CCNH: variants seen among roughly 807,000 people sequenced by gnomAD.
The protein encoded by CCNH is cyclin-H.
In CCNH, 31 loss-of-function variants were observed where a neutral mutation model predicts 41.9. The observed-to-expected ratio is 0.74, with a 90% confidence interval of 0.56 to 1.00. CCNH has a LOEUF of 1.00. CCNH is among the 50% of genes least tolerant of loss of function. CCNH has a pLI of 0.00. For missense variants in CCNH, 362 were observed against 388.4 expected (o/e 0.93, Z 0.57); for synonymous variants, 138 against 136.1 (o/e 1.01, Z -0.10).
rs1287746107 is a variant in CCNH, at chr5:87,407,959, T to C, written c.525+17A>G. 1 of 1,562,484 alleles carries C rather than the reference T, an allele frequency of 6.4e-7. No individual in the cohort carries two copies. The highest frequency in any genetic ancestry group is 8.8e-7 in the Non-Finnish European group (1 of 1,133,432). ...GAAAGGAGAATGTAGTATTAGTTTA[T>C]TTTACATCAAGTTTACCTTTAAGTC... On this transcript the variant is annotated intron_variant, in intron 4 of 8. Transcript: ENST00000256897.
chr5:87,328,527 C>A (rs552732240), intron 9 of CCNH, among the ~76,000 whole-genome samples: 1 of 152,046 alleles, frequency 6.6e-6, no homozygotes, highest in Non-Finnish European at 1.5e-5. Context: ...AGACAAATAA[C>A]CACTCCCAAA....
At chr5:87,315,029 G>A (rs1389561370), downstream of CCNH, among the ~76,000 whole-genome samples, 3 of 152,064 alleles carry the variant, frequency 2.0e-5, no homozygotes, top group South Asian at 2.1e-4. Flanking sequence ...GGCAGAATGT[G>A]GTTTCCAAAT....
exon 10 of CCNH, chr5:87,318,463 C>A (rs1218213710): frequency 6.5e-6 from 1 of 153,518 alleles, no homozygotes; most frequent in African/African-American, 2.4e-5. Flanking sequence ...GCAGGCTGTA[C>A]AGGAAGCATG....
chr5:87,377,923 T>C (rs2112494456), upstream of CCNH, among the ~76,000 whole-genome samples: 1 of 152,366 alleles, frequency 6.6e-6, no homozygotes, highest in South Asian at 2.1e-4. Flanking sequence ...TTATCTTTTC[T>C]GACAGCATTT....
intron 7 of CCNH, among the ~76,000 whole-genome samples, chr5:87,395,786 T>C (rs914583199): frequency 1.3e-5 from 2 of 152,162 alleles, no homozygotes; most frequent in African/African-American, 4.8e-5. Context: ...GGAAGATCAC[T>C]TGAGCCCAGA....
At position 87,369,445 on chromosome 5, in the gene CCNH, A is replaced by G. The variant is rs961480710; in HGVS notation, c.*90+23325T>C. Among the ~76,000 whole-genome samples the G allele has an allele frequency of 4.6e-5, 7 of 152,224 alleles. No individual in the cohort carries two copies. In the East Asian group the frequency reaches 1.4e-3, roughly 29 times the overall value. On this transcript the variant is annotated intron_variant and NMD_transcript_variant, in intron 9 of 9. Coordinates refer to the CCNH transcript ENST00000645953. The stretch of plus-strand genomic sequence containing the variant: ...CTCCTTAGAGATAATTACTTAGAAC[A>G]TTTTTGGTCTAAGAACATTTCTAGT...
intron 9 of CCNH, among the ~76,000 whole-genome samples, chr5:87,327,053 A>G (rs969204796): frequency 6.6e-6 from 1 of 151,768 alleles, no homozygotes; most frequent in Non-Finnish European, 1.5e-5. Flanking sequence ...AGTATCCTCT[A>G]CTCCCCTGTG....
At chr5:87,334,506 A>T (rs1757824972) in intron 9 of CCNH, among the ~76,000 whole-genome samples, 1 of 152,216 alleles carries the variant, frequency 6.6e-6, no homozygotes, top group African/African-American at 2.4e-5. Context: ...AGCCAAGTTG[A>T]CACATAAAAT....
intron 9 of CCNH, among the ~76,000 whole-genome samples, chr5:87,359,989 T>C (rs574594150): frequency 1.3e-5 from 2 of 152,208 alleles, no homozygotes; most frequent in Admixed American, 6.5e-5. Flanking sequence ...TGAAATCAGA[T>C]ACTTGTCTAA....
At chr5:87,357,844 T>G (rs1759769020) in intron 9 of CCNH, among the ~76,000 whole-genome samples, 1 of 152,324 alleles carries the variant, frequency 6.6e-6, no homozygotes, top group Admixed American at 6.5e-5. Context: ...CTCCAATTGG[T>G]TTTGCAGAAG....
chr5:87,341,370 A>C, intron 9 of CCNH: 1 of 1,228,846 alleles, frequency 8.1e-7, no homozygotes, highest in African/African-American at 1.6e-5. Flanking sequence ...TATATTGTAA[A>C]TTTACTAATT....
chr5:87,332,285 C>T (rs1262099286), intron 9 of CCNH, among the ~76,000 whole-genome samples: 1 of 151,862 alleles, frequency 6.6e-6, no homozygotes, highest in Non-Finnish European at 1.5e-5. Flanking sequence ...GGTTTATAAG[C>T]CTGATATGTA....
At chr5:87,382,477 A>G (rs1204582964) in intron 9 of CCNH, among the ~76,000 whole-genome samples, 1 of 152,218 alleles carries the variant, frequency 6.6e-6, no homozygotes, top group Non-Finnish European at 1.5e-5. Flanking sequence ...ATCAATCTGT[A>G]GAAGGAATTG....
At chr5:87,391,592 G>T, downstream of CCNH, 1 of 234,726 alleles carries the variant, frequency 4.3e-6, no homozygotes, top group Non-Finnish European at 8.4e-6. Context: ...ATGTTTACAA[G>T]TAAATAGTTT....
At chr5:87,322,795 A>G (rs922375574) in intron 9 of CCNH, among the ~76,000 whole-genome samples, 2 of 152,246 alleles carry the variant, frequency 1.3e-5, no homozygotes, top group Admixed American at 6.5e-5. Context: ...AAATATAGAT[A>G]TATAAACACA....
At chr5:87,402,689 T>C (rs1763504142) in intron 5 of CCNH, among the ~76,000 whole-genome samples, 2 of 152,208 alleles carry the variant, frequency 1.3e-5, no homozygotes, top group South Asian at 4.1e-4. Flanking sequence ...TGGGAATAAA[T>C]TTTGGATCTG....
intron 9 of CCNH, chr5:87,331,443 G>A: frequency 6.2e-7 from 1 of 1,613,908 alleles, no homozygotes; most frequent in Non-Finnish European, 8.5e-7. Context: ...AGTGATCGGA[G>A]GCCAGGGTCC....
intron 9 of CCNH, among the ~76,000 whole-genome samples, chr5:87,321,198 T>G (rs1377184335): frequency 6.6e-6 from 1 of 152,196 alleles, no homozygotes; most frequent in Non-Finnish European, 1.5e-5. Context: ...TAGTTTTATG[T>G]CTAGGAAGAT....
chr5:87,394,571 C>T, intron 8 of CCNH, 87 bp from the exon 9 acceptor site: 1 of 1,581,874 alleles, frequency 6.3e-7, no homozygotes. Flanking sequence ...AAAATGTTCT[C>T]CTCCTTTTAC....
Sources: gnomAD v4.1 joint callset for allele counts (sites outside exome capture counted in the v4.1 genomes callset) on GRCh38, gnomAD v4.1.1 for gene constraint, MANE v1.5 for transcripts, NCBI Gene and HGNC (gene_info 2026-07-23, HGNC 2026-07-21) for gene names.